Variants in NOX5 observed in about 807,000 individuals in gnomAD.
The protein encoded by NOX5 is NADPH oxidase 5.
In NOX5, 76 loss-of-function variants were observed where a neutral mutation model predicts 85.7. The ratio of observed to expected loss-of-function variants is 0.89; its 90% CI spans 0.74 to 1.07. NOX5 has a LOEUF of 1.07. NOX5 is among the 50% of genes least tolerant of loss of function. The pLI is 0.00. For missense variants in NOX5, 973 were observed against 999.5 expected, an observed-to-expected ratio of 0.97 and a Z score of 0.36; for synonymous variants, 405 against 401.4, an observed-to-expected ratio of 1.01 and a Z score of -0.11.
intron 3 of NOX5, chr15:69,030,066 T>C (rs1280121902): frequency 6.6e-6 from 1 of 152,236 alleles, no homozygotes; most frequent in Non-Finnish European, 1.5e-5. Context: ...GTGGCTGCAT[T>C]ATACTCCACT....
At chr15:69,015,648 A>C (rs1482904745) in intron 1 of NOX5, among the ~76,000 whole-genome samples, 1 of 152,174 alleles carries the variant, frequency 6.6e-6, no homozygotes, top group East Asian at 1.9e-4. Flanking sequence ...GTCAGAATGC[A>C]CATTTTTACA....
At chr15:69,046,584 A>G (rs1004622716) in intron 10 of NOX5, among the ~76,000 whole-genome samples, 1 of 152,156 alleles carries the variant, frequency 6.6e-6, no homozygotes, top group African/African-American at 2.4e-5. Flanking sequence ...CAGGATTTAC[A>G]CCACAGAAAT....
chr15:69,055,915 T>C (rs916066752), intron 15 of NOX5, among the ~76,000 whole-genome samples: 3 of 152,196 alleles, frequency 2.0e-5, no homozygotes, highest in African/African-American at 7.2e-5. Flanking sequence ...TTGGTTTTAT[T>C]ATTTTTCTTT....
intron 9 of NOX5, among the ~76,000 whole-genome samples, chr15:69,039,928 G>A (rs1470439485): frequency 1.3e-5 from 2 of 152,232 alleles, no homozygotes; most frequent in African/African-American, 2.4e-5. Context: ...AGTGTGGCTT[G>A]CACTGACATT....
Position 69,028,310 on chromosome 15 carries a change from C to T in NOX5, c.270C>T (p.Ile90=). 6.2e-7 allele frequency: 1 copy of T among 1,613,478 alleles called. No individual in the cohort carries two copies. The highest frequency in any genetic ancestry group is 8.5e-7 in the Non-Finnish European group (1 of 1,179,704). ...TGCAGGAGGCACTGACCCTGCTCAT[C>T]CATGGCAGCCCCATGGACAAACTCA... The part of the protein sequence containing the change: ...QELQEALTLL[I]HGSPMDKLKF... Residue 90 remains isoleucine (I), a synonymous_variant, in exon 3 of 16, where the codon ATC becomes ATT. Coordinates refer to ENST00000388866, the MANE Select transcript of NOX5 (RefSeq NM_024505.4).
intron 2 of NOX5, among the ~76,000 whole-genome samples, chr15:69,026,939 A>C (rs2050365648): frequency 6.6e-6 from 1 of 152,206 alleles, no homozygotes; most frequent in Non-Finnish European, 1.5e-5. Context: ...CTCTGACTTA[A>C]GCTTCCTCTC....
At chr15:69,047,748 C>T in intron 12 of NOX5, 82 bp from the exon 13 acceptor site, 1 of 1,480,778 alleles carries the variant, frequency 6.8e-7, no homozygotes. Flanking sequence ...CCCATCCTTG[C>T]TCCCTGTCCC....
At chr15:69,030,425 G>C (rs1453482017) in intron 3 of NOX5, 1 of 152,224 alleles carries the variant, frequency 6.6e-6, no homozygotes, top group Non-Finnish European at 1.5e-5. Flanking sequence ...CCAGGGATGG[G>C]ATATTCTTAG....
chr15:69,017,635 C>G (rs2140243273), intron 1 of NOX5, among the ~76,000 whole-genome samples: 1 of 152,156 alleles, frequency 6.6e-6, no homozygotes, highest in Non-Finnish European at 1.5e-5. Flanking sequence ...TGTACAAAAC[C>G]AAGTTGTGAC....
At position 69,055,454 on chromosome 15, in the gene NOX5, C is replaced by T. The variant is rs770046307; in HGVS notation, c.2120C>T (p.Thr707Met). 34 of 1,614,034 alleles carry T rather than the reference C, an allele frequency of 2.1e-5. No individual in the cohort carries two copies. In the East Asian group the frequency reaches 5.1e-4, roughly 24 times the overall value. ...LANKEKKDSI[T>M]GLQTRTQPGR... Reference sequence around the variant, plus strand: ...AACAAGGAGAAGAAAGACTCCATCACGGGGCTGCAGACGCGCACCCAGCCT... The same window carrying T: ...AACAAGGAGAAGAAAGACTCCATCATGGGGCTGCAGACGCGCACCCAGCCT... The change falls in exon 15 of 16, where the codon ACG becomes ATG. Residue 707 changes from threonine (T) to methionine (M), a missense_variant. Coordinates refer to ENST00000388866, the MANE Select transcript of NOX5 (RefSeq NM_024505.4).
rs760485239 is a variant in NOX5 at position 69,061,247 on chromosome 15, C to T, written c.*4551C>T. Reference sequence around the variant, plus strand: ...TCGGGCCTAAGCCAGGGGACTGGCCCTCCCCGTCAGGGGTCACTCCGTGGG... The same window carrying T: ...TCGGGCCTAAGCCAGGGGACTGGCCTTCCCCGTCAGGGGTCACTCCGTGGG... On this transcript the variant is annotated 3_prime_UTR_variant, in exon 16 of 16. Transcript: ENST00000388866. The T allele has an allele frequency of 6.6e-6, 1 of 152,238 alleles. No homozygotes were observed. Among genetic ancestry groups the T allele is most frequent in the Non-Finnish European group, 1.5e-5 (1 of 68,040 alleles). 9.4% of individuals were successfully genotyped at this position (152,238 alleles called of 1,614,324 possible).
chr15:69,020,863 T>G, intron 1 of NOX5, among the ~76,000 whole-genome samples: 1 of 152,100 alleles, frequency 6.6e-6, no homozygotes, highest in East Asian at 1.9e-4. Flanking sequence ...TTTCTTATAG[T>G]TTTAATTAAG....
rs1206541964 is a variant in NOX5, at chr15:69,026,641, A to C, written c.164A>C (p.His55Pro). The C allele has an allele frequency of 4.3e-6, 7 of 1,613,974 alleles. No individual in the cohort carries two copies. Among genetic ancestry groups the C allele is most frequent in the Non-Finnish European group, 5.9e-6 (7 of 1,179,960 alleles). The change falls in exon 2 of 16, where the codon CAT becomes CCT. Residue 55 changes from histidine to proline, a missense_variant. His to Pro is a moderately conservative substitution (Grantham distance 77, BLOSUM62 -2). Coordinates refer to ENST00000388866, the MANE Select transcript of NOX5 (RefSeq NM_024505.4). Reference sequence around the variant, plus strand: ...CTGCAAGAATTCAAAGCAGCTCTGCATGTGAAAGAGGCAAGTGTTGGGCCA... The same window carrying C: ...CTGCAAGAATTCAAAGCAGCTCTGCCTGTGAAAGAGGCAAGTGTTGGGCCA... ...ISLQEFKAAL[H>P]VKESFFAERF...
rs1005747967 is a variant in NOX5 at position 69,055,264 on chromosome 15, G to A, written c.2000-70G>A. The A allele has an allele frequency of 1.3e-5, 20 of 1,522,490 alleles. No homozygotes were observed. In the African/African-American group the frequency reaches 2.5e-4, roughly 19 times the overall value. 94.3% of individuals were successfully genotyped at this position (1,522,490 alleles called of 1,614,324 possible). A position where few individuals can be genotyped will look rare whatever the true frequency, so the allele number is the denominator to read the frequency against. ...TTCCAAGCCCCAGGGTAAGGTAGTG[G>A]TTGGCATCCTGCCCTGCGCCCATGA... is the stretch of plus-strand genomic sequence containing the variant. On this transcript the variant is annotated intron_variant, in intron 14 of 15. Transcript: ENST00000388866.
At chr15:69,015,835 C>T (rs1188820130) in intron 1 of NOX5, among the ~76,000 whole-genome samples, 2 of 148,192 alleles carry the variant, frequency 1.3e-5, no homozygotes, top group Non-Finnish European at 3.0e-5. Flanking sequence ...AGCTCAGGGA[C>T]ATGAGAAGCA....
rs938716818 is a variant in NOX5 at position 69,037,113 on chromosome 15, T to C, written c.1274T>C (p.Val425Ala). 1.4e-5 allele frequency: 23 copies of C among 1,614,024 alleles called. No homozygotes were observed. The highest frequency in any genetic ancestry group is 1.9e-5 in the Non-Finnish European group (23 of 1,180,022). The change falls in exon 8 of 16, where the codon GTG becomes GCG. Residue 425 changes from valine to alanine, a missense_variant. Coordinates refer to ENST00000388866, the MANE Select transcript of NOX5 (RefSeq NM_024505.4). ...HGPNFWKWLL[V>A]PGILFFLEKA... ...CCCAACTTCTGGAAGTGGCTGCTGG[T>C]GCCTGGAATCTTGTTTTTCCTGGAG...
At chr15:69,029,414 G>T (rs2140254990) in intron 3 of NOX5, 1 of 152,260 alleles carries the variant, frequency 6.6e-6, no homozygotes, top group African/African-American at 2.4e-5. Flanking sequence ...GGACATTTGG[G>T]CTGTTTCTAC....
At position 69,031,498 on chromosome 15, in the gene NOX5, A is replaced by G. The variant is rs763391449; in HGVS notation, c.326-20A>G. The G allele has an allele frequency of 2.7e-5, 43 of 1,588,690 alleles. No individual in the cohort carries two copies. Among genetic ancestry groups the G allele is most frequent in the Non-Finnish European group, 3.3e-5 (38 of 1,165,682 alleles). On this transcript the variant is annotated intron_variant, in intron 3 of 15. Coordinates refer to ENST00000388866, the MANE Select transcript of NOX5 (RefSeq NM_024505.4). ...AAAGCTGGAGGTGGGTAAACAGAAG[A>G]GGCCCACCACTTCTTGCAGTGTGTG...
intron 10 of NOX5, chr15:69,046,280 G>A (rs1257427167): frequency 6.5e-6 from 1 of 152,714 alleles, no homozygotes; most frequent in African/African-American, 2.4e-5. Flanking sequence ...TGTGAGCCAG[G>A]GGAGGCCCTG....
Sources: gnomAD v4.1 joint callset for allele counts (sites outside exome capture counted in the v4.1 genomes callset) on GRCh38, gnomAD v4.1.1 for gene constraint, MANE v1.5 for transcripts, NCBI Gene and HGNC (gene_info 2026-07-23, HGNC 2026-07-21) for gene names.